Variants in RIN2 observed in about 807,000 individuals in gnomAD.
RIN2 encodes RAB5 interacting protein 2.
Under a neutral mutation model 78.0 loss-of-function variants are expected in RIN2, and 36 were observed. That is an observed-to-expected ratio of 0.46 (90% CI 0.35 to 0.61). The LOEUF is 0.61. Among genes scored for constraint, RIN2 ranks in the 20% least tolerant of loss-of-function variants. The pLI, the probability that RIN2 is intolerant of heterozygous loss-of-function variation, is 0.00. For synonymous variants in RIN2, 466 were observed against 466.8 expected, an observed-to-expected ratio of 1.00 and a Z score of 0.02; for missense variants, 1,087 against 1,159.7, an observed-to-expected ratio of 0.94 and a Z score of 0.91.
chr20:19,984,221 A>G (rs2042556377), intron 9 of RIN2, among the ~76,000 whole-genome samples: 1 of 152,178 alleles, frequency 6.6e-6, no homozygotes, highest in Non-Finnish European at 1.5e-5. Flanking sequence ...TTGTTTAACT[A>G]CAGGGATACA....
intron 2 of RIN2, among the ~76,000 whole-genome samples, chr20:19,803,494 G>C (rs866465749): frequency 6.6e-6 from 1 of 152,174 alleles, no homozygotes; most frequent in East Asian, 1.9e-4. Context: ...AATGGGGAAA[G>C]GATTCCTTAT....
chr20:19,851,057 AAAGGAAGGAAGG>A (rs142938284), intron 2 of RIN2, among the ~76,000 whole-genome samples: 5 of 132,626 alleles, frequency 3.8e-5, no homozygotes, highest in East Asian at 2.1e-4. Context: ...AAGGAGAAAG[AAAGGAAGGAAGG>A]AAGGAAGGAA....
intron 1 of RIN2, among the ~76,000 whole-genome samples, chr20:19,790,208 C>T (rs2034845031): frequency 6.6e-6 from 1 of 152,076 alleles, no homozygotes; most frequent in African/African-American, 2.4e-5. Flanking sequence ...CAATCTGGAT[C>T]TCCCTAGAAA....
intron 2 of RIN2, among the ~76,000 whole-genome samples, chr20:19,855,195 G>A (rs377695768): frequency 7.9e-5 from 12 of 152,142 alleles, no homozygotes; most frequent in Admixed American, 2.0e-4. Flanking sequence ...ATTGATTTGC[G>A]TATGTTGAAC....
intron 1 of RIN2, among the ~76,000 whole-genome samples, chr20:19,788,790 GA>G (rs1368938216): frequency 3.9e-5 from 6 of 151,930 alleles, no homozygotes; most frequent in Non-Finnish European, 8.8e-5. Context: ...TAGATAGAAG[GA>G]CATACCATGT....
intron 8 of RIN2, among the ~76,000 whole-genome samples, chr20:19,973,768 G>A (rs1012599560): frequency 1.3e-5 from 2 of 151,584 alleles, no homozygotes; most frequent in South Asian, 4.2e-4. Context: ...CAGCCTGGGC[G>A]ACAGAGCAAG....
At chr20:19,998,199 C>T (rs2146426812) in intron 12 of RIN2, among the ~76,000 whole-genome samples, 1 of 152,184 alleles carries the variant, frequency 6.6e-6, no homozygotes, top group Non-Finnish European at 1.5e-5. Flanking sequence ...CCAGGCTGGA[C>T]TCAAACTCCT....
chr20:19,826,473 A>T (rs1428621972), intron 2 of RIN2, among the ~76,000 whole-genome samples: 1 of 152,182 alleles, frequency 6.6e-6, no homozygotes. Flanking sequence ...CATAGCAAGG[A>T]TGTAATTAGC....
At chr20:19,961,779 A>G (rs1211409784) in intron 6 of RIN2, among the ~76,000 whole-genome samples, 1 of 152,072 alleles carries the variant, frequency 6.6e-6, no homozygotes, top group Non-Finnish European at 1.5e-5. Flanking sequence ...CCTGGATCTT[A>G]CAAGTCCACA....
At chr20:19,900,651 AAAC>A (rs1178654683) in intron 3 of RIN2, among the ~76,000 whole-genome samples, 3 of 149,568 alleles carry the variant, frequency 2.0e-5, no homozygotes, top group Admixed American at 6.6e-5. Flanking sequence ...GAAAAAACAA[AAAC>A]AACAACAAAA....
intron 1 of RIN2, among the ~76,000 whole-genome samples, chr20:19,789,224 A>G (rs1327362692): frequency 6.6e-6 from 1 of 152,258 alleles, no homozygotes; most frequent in African/African-American, 2.4e-5. Context: ...TTCCTGAGGA[A>G]AAAAATAAAA....
At chr20:19,942,857 G>A (rs1419902661) in intron 4 of RIN2, among the ~76,000 whole-genome samples, 1 of 152,086 alleles carries the variant, frequency 6.6e-6, no homozygotes, top group Non-Finnish European at 1.5e-5. Flanking sequence ...TTTTGACCTT[G>A]GCCACACAAT....
chr20:19,909,025 C>T (rs2039346990), intron 3 of RIN2, among the ~76,000 whole-genome samples: 1 of 152,182 alleles, frequency 6.6e-6, no homozygotes, highest in African/African-American at 2.4e-5. Context: ...CCGCCACTCC[C>T]AGCTAACTTT....
intron 2 of RIN2, among the ~76,000 whole-genome samples, chr20:19,883,154 C>G (rs2038077630): frequency 1.3e-5 from 2 of 152,108 alleles, no homozygotes; most frequent in Non-Finnish European, 2.9e-5. Flanking sequence ...TGAGTTGAGT[C>G]CATCAGCCCT....
chr20:19,996,644 G>T, intron 11 of RIN2, 35 bp from the exon 12 acceptor site: 1 of 1,612,554 alleles, frequency 6.2e-7, no homozygotes, highest in South Asian at 1.1e-5. Flanking sequence ...GCGGAGGTTG[G>T]CACTGGGAGG....
chr20:19,906,234 G>A (rs2039213840), intron 3 of RIN2, among the ~76,000 whole-genome samples: 1 of 152,180 alleles, frequency 6.6e-6, no homozygotes, highest in African/African-American at 2.4e-5. Context: ...AGGATTGCAC[G>A]AGTTTGGGAG....
intron 2 of RIN2, among the ~76,000 whole-genome samples, chr20:19,810,861 A>ATT (rs143182650): frequency 5.5e-4 from 75 of 136,764 alleles, no homozygotes; most frequent in African/African-American, 2.1e-3. Flanking sequence ...GCCCGGCTAA[A>ATT]TTTTGTGTGT....
At chr20:19,961,318 T>C (rs1048809090) in intron 6 of RIN2, among the ~76,000 whole-genome samples, 2 of 152,208 alleles carry the variant, frequency 1.3e-5, no homozygotes, top group Admixed American at 6.5e-5. Flanking sequence ...ATCCAACCTT[T>C]TGATGAACAT....
intron 3 of RIN2, among the ~76,000 whole-genome samples, chr20:19,906,308 G>A (rs142262290): frequency 1.3e-5 from 2 of 152,240 alleles, no homozygotes; most frequent in East Asian, 3.9e-4. Context: ...AATTAGCCAG[G>A]CATGGTGGCA....
Sources: allele counts gnomAD v4.1 joint callset (sites outside exome capture counted in the v4.1 genomes callset), GRCh38; gene constraint gnomAD v4.1.1; transcripts MANE v1.5; gene names NCBI Gene and HGNC (gene_info 2026-07-23, HGNC 2026-07-21).